The following DPF3 variants were observed in gnomAD, a reference collection of about 807,000 sequenced individuals.
DPF3 encodes zinc finger protein DPF3.
DPF3 carries 18 observed loss-of-function variants against 56.8 expected under a neutral mutation model. That is an observed-to-expected ratio of 0.32 (90% confidence interval 0.22 to 0.47). The LOEUF is 0.47. DPF3 is among the 20% of genes least tolerant of loss of function. DPF3 has a pLI of 1.00. For synonymous variants in DPF3, 188 were observed against 180.2 expected, an observed-to-expected ratio of 1.04 and a Z score of -0.35; for missense variants, 403 against 488.8, an observed-to-expected ratio of 0.82 and a Z score of 1.65.
At chr14:72,723,476 G>A (rs952924988) in intron 5 of DPF3, among the ~76,000 whole-genome samples, 157 bp downstream of exon 5, 10 of 152,038 alleles carry the variant, frequency 6.6e-5, no homozygotes, top group South Asian at 4.2e-4. Flanking sequence ...TCCAGGCTAC[G>A]ACCTGGGATC....
intron 1 of DPF3, among the ~76,000 whole-genome samples, chr14:72,834,522 T>C (rs1294698108): frequency 7.4e-6 from 1 of 135,114 alleles, no homozygotes; most frequent in South Asian, 2.4e-4. Flanking sequence ...AAAAATCAGA[T>C]ACCACTTCAC....
At position 72,832,565 on chromosome 14, in the gene DPF3, T is replaced by C. The variant is rs1285651595; in HGVS notation, c.33-60672A>G. 4.6e-5 allele frequency among the ~76,000 whole-genome samples: 7 copies of C among 151,726 alleles called. No individual in the cohort carries two copies. The South Asian group carries it at 1.5e-3, about 31-fold the overall frequency. The stretch of plus-strand genomic sequence containing the variant: ...CACACCATGTATCCTCTGTTGTTTT[T>C]GGTGCAAAAAGTAAAGTAACCATGA... On this transcript the variant is annotated intron_variant, in intron 1 of 10. Coordinates refer to ENST00000556509, the MANE Select transcript of DPF3 (RefSeq NM_001280542.3).
chr14:72,747,445 G>A (rs187342721), intron 3 of DPF3, among the ~76,000 whole-genome samples: 2 of 152,082 alleles, frequency 1.3e-5, no homozygotes, highest in Non-Finnish European at 1.5e-5. Flanking sequence ...GACTGGAGCT[G>A]CTGGCAGCCC....
chr14:72,782,705 C>T (rs928536437), intron 1 of DPF3, among the ~76,000 whole-genome samples: 2 of 152,102 alleles, frequency 1.3e-5, no homozygotes, highest in African/African-American at 4.8e-5. Context: ...TAATGGCGGA[C>T]ACCTGCAGTC....
At chr14:72,731,591 G>T in intron 4 of DPF3, 1 of 582,818 alleles carries the variant, frequency 1.7e-6, no homozygotes, top group Non-Finnish European at 3.0e-6. Flanking sequence ...CAGAAGAGAG[G>T]GAAGGGAACC....
At chr14:72,795,320 G>A (rs955953189) in intron 1 of DPF3, among the ~76,000 whole-genome samples, 10 of 127,826 alleles carry the variant, frequency 7.8e-5, no homozygotes, top group African/African-American at 2.8e-4. Flanking sequence ...ATATATATAA[G>A]GCAGATGGTG....
At chr14:72,779,331 T>C (rs1479920609) in intron 1 of DPF3, among the ~76,000 whole-genome samples, 2 of 152,224 alleles carry the variant, frequency 1.3e-5, no homozygotes, top group Non-Finnish European at 1.5e-5. Flanking sequence ...ACCTGGGACA[T>C]TGCAGCACTG....
chr14:72,781,362 G>A (rs754637333), intron 1 of DPF3, among the ~76,000 whole-genome samples: 9 of 152,168 alleles, frequency 5.9e-5, no homozygotes, highest in Non-Finnish European at 1.0e-4. Flanking sequence ...AAACATCTCA[G>A]GAAGGGCACA....
chr14:72,722,657 G>T (rs1453649035), intron 5 of DPF3, among the ~76,000 whole-genome samples: 1 of 152,192 alleles, frequency 6.6e-6, no homozygotes, highest in Non-Finnish European at 1.5e-5. Context: ...GCCTGAAGGG[G>T]TGAGATTCTC....
chr14:72,853,757 GC>G (rs1486738344), intron 1 of DPF3, among the ~76,000 whole-genome samples: 1 of 152,100 alleles, frequency 6.6e-6, no homozygotes, highest in East Asian at 1.9e-4. Flanking sequence ...GAGCCACCAT[GC>G]CCGGCCTGCT....
intron 1 of DPF3, among the ~76,000 whole-genome samples, chr14:72,797,235 A>G (rs116768833): frequency 5.0e-4 from 76 of 152,334 alleles, no homozygotes; most frequent in African/African-American, 1.8e-3. Flanking sequence ...AAGCTATCCT[A>G]GATGAAGCTA....
intron 3 of DPF3, 32 bp from the exon 4 acceptor site, chr14:72,731,966 C>A: frequency 6.4e-7 from 1 of 1,558,280 alleles, no homozygotes; most frequent in Non-Finnish European, 8.7e-7. Context: ...GCAGGTCAGG[C>A]CACTAGAAGC....
Position 72,723,541 on chromosome 14 carries a change from T to C in DPF3, c.525+92A>G, listed in dbSNP as rs537796731. ...CGTTCTCCATGTAAGACCATGGCCA[T>C]GATTTCCATCTAGCTGCAGTGGAGA... On this transcript the variant is annotated intron_variant, in intron 5 of 10. Transcript: ENST00000556509. 6.2e-4 allele frequency: 678 copies of C among 1,094,038 alleles called. 4 individuals are homozygous for C. Among genetic ancestry groups the C allele is most frequent in the Non-Finnish European group, 3.2e-4 (241 of 763,276 alleles). The allele number at this position is 1,094,038 out of a possible 1,614,324, so 67.8% of individuals were successfully genotyped here.
chr14:72,752,226 G>T (rs889324579), intron 3 of DPF3, among the ~76,000 whole-genome samples: 2 of 152,178 alleles, frequency 1.3e-5, no homozygotes, highest in African/African-American at 2.4e-5. Context: ...GAACAGCACT[G>T]TCCCTACCAC....
chr14:72,680,013 A>T (rs1240221629), intron 7 of DPF3, among the ~76,000 whole-genome samples: 1 of 152,036 alleles, frequency 6.6e-6, no homozygotes, highest in Non-Finnish European at 1.5e-5. Context: ...GCCTTTAATG[A>T]GGGCTGCGGG....
At position 72,868,999 on chromosome 14, in the gene DPF3, C is replaced by T. The variant is rs140193621; in HGVS notation, c.32+25058G>A. On this transcript the variant is annotated intron_variant, in intron 1 of 10. Coordinates refer to ENST00000556509, the MANE Select transcript of DPF3 (RefSeq NM_001280542.3). Reference sequence around the variant, plus strand: ...TGCCCTTAGGATAAAGTACACAGCCCTCAAACTTCTCCATCAAGGCCCTTC... The same window carrying T: ...TGCCCTTAGGATAAAGTACACAGCCTTCAAACTTCTCCATCAAGGCCCTTC... 7.4e-4 allele frequency among the ~76,000 whole-genome samples: 113 copies of T among 152,236 alleles called. 2 individuals are homozygous for T. In the East Asian group the frequency reaches 0.02, roughly 27 times the overall value.
intron 1 of DPF3, among the ~76,000 whole-genome samples, chr14:72,824,981 G>A (rs981040313): frequency 4.6e-5 from 7 of 151,762 alleles, no homozygotes; most frequent in South Asian, 4.1e-4. Context: ...TCCACCTCCC[G>A]GATTCAAGCG....
intron 2 of DPF3, among the ~76,000 whole-genome samples, chr14:72,753,741 G>C (rs1890674777): frequency 2.0e-5 from 3 of 152,172 alleles, no homozygotes; most frequent in African/African-American, 7.2e-5. Context: ...CCTGATCCAG[G>C]TTAAGCAGGT....
At chr14:72,846,312 T>C (rs1366549894) in intron 1 of DPF3, among the ~76,000 whole-genome samples, 1 of 146,138 alleles carries the variant, frequency 6.8e-6, no homozygotes, top group Non-Finnish European at 1.5e-5. Flanking sequence ...GGTTTCACCA[T>C]GTTGGCCAGG....
Sources: allele counts gnomAD v4.1 joint callset (sites outside exome capture counted in the v4.1 genomes callset), GRCh38; gene constraint gnomAD v4.1.1; transcripts MANE v1.5; gene names NCBI Gene and HGNC (gene_info 2026-07-23, HGNC 2026-07-21).